TMEM232: variants seen among roughly 807,000 people sequenced by gnomAD.
The protein encoded by TMEM232 is transmembrane protein 232.
Under a neutral mutation model 78.8 loss-of-function variants are expected in TMEM232, and 80 were observed. The observed-to-expected ratio is 1.01, with a 90% CI of 0.85 to 1.22. TMEM232 has a LOEUF of 1.22. TMEM232 is among the 50% of genes most tolerant of loss of function. The pLI is 0.00. For synonymous variants in TMEM232, 297 were observed against 254.3 expected (o/e 1.17, Z -1.60); for missense variants, 881 against 742.2 (o/e 1.19, Z -2.17).
At chr5:110,648,493 T>A (rs759477123) in intron 2 of TMEM232, among the ~76,000 whole-genome samples, 3 of 152,104 alleles carry the variant, frequency 2.0e-5, no homozygotes, top group Non-Finnish European at 2.9e-5. Context: ...AAATATGGAA[T>A]CAAACAACAT....
chr5:110,738,953 C>G (rs1380298073), upstream of TMEM232: 7 of 1,440,356 alleles, frequency 4.9e-6, no homozygotes, highest in African/African-American at 1.4e-5. Flanking sequence ...CCGGAAGAGG[C>G]TATAATCACG....
chr5:110,724,759 G>T (rs988377344), intron 1 of TMEM232, among the ~76,000 whole-genome samples: 1 of 152,056 alleles, frequency 6.6e-6, no homozygotes, highest in Non-Finnish European at 1.5e-5. Context: ...CTGCAGAAAG[G>T]AACTCTAAAA....
intron 12 of TMEM232, among the ~76,000 whole-genome samples, chr5:110,485,791 T>C (rs1764396021): frequency 1.3e-5 from 2 of 152,284 alleles, no homozygotes; most frequent in African/African-American, 4.8e-5. Context: ...TGTGCAAGTA[T>C]CTTTTTTAGA....
At chr5:110,499,927 A>G (rs1404513048) in intron 12 of TMEM232, among the ~76,000 whole-genome samples, 1 of 152,206 alleles carries the variant, frequency 6.6e-6, no homozygotes, top group African/African-American at 2.4e-5. Flanking sequence ...ACAAAACTGC[A>G]GAATGCATAG....
chr5:110,483,283 G>A (rs1020117600), intron 12 of TMEM232, among the ~76,000 whole-genome samples: 3 of 151,536 alleles, frequency 2.0e-5, no homozygotes, highest in South Asian at 2.1e-4. Context: ...TAACCCCCAG[G>A]GCAGCTGCTT....
At chr5:110,491,729 T>G (rs1765117429) in intron 12 of TMEM232, among the ~76,000 whole-genome samples, 1 of 151,828 alleles carries the variant, frequency 6.6e-6, no homozygotes, top group Non-Finnish European at 1.5e-5. Flanking sequence ...AGAAATTAAA[T>G]AAACTAAAAA....
intron 12 of TMEM232, among the ~76,000 whole-genome samples, chr5:110,504,945 T>A (rs548334725): frequency 3.3e-5 from 5 of 152,330 alleles, no homozygotes; most frequent in African/African-American, 1.2e-4. Context: ...AGGGCACTTA[T>A]TTTCATACAA....
chr5:110,649,202 CTG>C (rs1226076969), intron 2 of TMEM232, among the ~76,000 whole-genome samples: 2 of 151,750 alleles, frequency 1.3e-5, no homozygotes, highest in Admixed American at 6.6e-5. Context: ...AAGCATAAAA[CTG>C]TAAAGAAAAA....
At chr5:110,644,778 G>T (rs1179212919) in intron 2 of TMEM232, among the ~76,000 whole-genome samples, 5 of 150,440 alleles carry the variant, frequency 3.3e-5, no homozygotes, top group Non-Finnish European at 5.9e-5. Context: ...ATAAATTAAA[G>T]AATAAAAAAC....
intron 1 of TMEM232, among the ~76,000 whole-genome samples, chr5:110,723,229 G>C (rs1797822463): frequency 6.6e-6 from 1 of 152,052 alleles, no homozygotes; most frequent in African/African-American, 2.4e-5. Context: ...TCTCCTTTGT[G>C]AGTTTTGGCA....
intron 2 of TMEM232, among the ~76,000 whole-genome samples, chr5:110,661,502 G>C (rs1027146966): frequency 6.6e-6 from 1 of 151,960 alleles, no homozygotes; most frequent in Non-Finnish European, 1.5e-5. Context: ...TTGTAGAGGC[G>C]GGTTTTGCCA....
chr5:110,561,225 C>T (rs1775698327), intron 11 of TMEM232, among the ~76,000 whole-genome samples: 1 of 152,016 alleles, frequency 6.6e-6, no homozygotes, highest in Admixed American at 6.6e-5. Context: ...AGAGCACTGG[C>T]TATCAAATTG....
chr5:110,629,453 C>T (rs1308604398), intron 5 of TMEM232, among the ~76,000 whole-genome samples: 1 of 152,002 alleles, frequency 6.6e-6, no homozygotes, highest in African/African-American at 2.4e-5. Flanking sequence ...GACAAATCTA[C>T]CTTTCCATAT....
At chr5:110,560,112 C>A (rs1313347515) in intron 11 of TMEM232, among the ~76,000 whole-genome samples, 1 of 152,112 alleles carries the variant, frequency 6.6e-6, no homozygotes, top group African/African-American at 2.4e-5. Context: ...TATAACATCT[C>A]TTTTTGGGAG....
intron 12 of TMEM232, among the ~76,000 whole-genome samples, chr5:110,436,545 G>A (rs984550262): frequency 5.3e-5 from 8 of 151,948 alleles, no homozygotes; most frequent in Admixed American, 1.3e-4. Context: ...CCAATGTACT[G>A]GAGAGTTTCC....
chr5:110,691,944 G>A (rs113954796), intron 1 of TMEM232, among the ~76,000 whole-genome samples: 14,666 of 151,962 alleles, frequency 0.097, 860 homozygotes, highest in South Asian at 0.18. Flanking sequence ...TTTTTGGGAC[G>A]GAGTCTCACT....
chr5:110,614,834 TCAC>T (rs1466849705), intron 8 of TMEM232, among the ~76,000 whole-genome samples: 3 of 152,150 alleles, frequency 2.0e-5, no homozygotes, highest in Admixed American at 2.0e-4. Flanking sequence ...TCTGAAAGAA[TCAC>T]CACAACTTCC....
At chr5:110,693,987 C>A (rs1794452244) in intron 1 of TMEM232, among the ~76,000 whole-genome samples, 1 of 152,014 alleles carries the variant, frequency 6.6e-6, no homozygotes, top group Non-Finnish European at 1.5e-5. Context: ...AGAGCAACTC[C>A]AAGACACATT....
chr5:110,464,322 AG>A (rs899409807), intron 12 of TMEM232, among the ~76,000 whole-genome samples: 78 of 152,322 alleles, frequency 5.1e-4, no homozygotes, highest in African/African-American at 1.8e-3. Context: ...TGTTTCTACT[AG>A]ACAATAGCAT....
Sources: allele counts gnomAD v4.1 joint callset (sites outside exome capture counted in the v4.1 genomes callset), GRCh38; gene constraint gnomAD v4.1.1; transcripts MANE v1.5; gene names NCBI Gene and HGNC (gene_info 2026-07-23, HGNC 2026-07-21).